The following ZNF66 variants were observed in gnomAD, a reference collection of about 807,000 sequenced individuals.
The protein encoded by ZNF66 is zinc finger protein 66, also known as putative zinc finger protein 66.
A neutral mutation model predicts 35.2 loss-of-function variants in ZNF66; 32 were observed. The observed-to-expected ratio is 0.91, with a 90% confidence interval of 0.69 to 1.22. ZNF66 has a LOEUF of 1.22. ZNF66 is among the 50% of genes most tolerant of loss of function. The pLI is 0.00. For missense variants in ZNF66, 666 were observed against 543.1 expected (o/e 1.23, Z -2.25); for synonymous variants, 231 against 181.3 (o/e 1.27, Z -2.20).
intron 1 of ZNF66, among the ~76,000 whole-genome samples, chr19:20,788,317 G>A (rs905736387): frequency 1.6e-5 from 2 of 124,964 alleles, no homozygotes; most frequent in Non-Finnish European, 3.6e-5. Flanking sequence ...CAATAAACAC[G>A]TGTCCAAAAT....
In ZNF66 at chr19:20,806,513, A is replaced by G. The variant is rs776745834; in HGVS notation, c.913A>G (p.Ile305Val). 16 of 1,526,056 alleles carry G rather than the reference A, an allele frequency of 1.0e-5. No individual in the cohort carries two copies. In the East Asian group the frequency reaches 3.6e-4, roughly 34 times the overall value. 94.5% of individuals were successfully genotyped at this position (1,526,056 alleles called of 1,614,324 possible). The change falls in exon 4 of 4, where the codon ATA becomes GTA. Residue 305 changes from isoleucine to valine, a missense_variant. Coordinates refer to ENST00000344519, the MANE Select transcript of ZNF66 (RefSeq NM_001355197.2). ...KYLSSLSTHKIIHTGEKPYKC... is the reference protein window; with the variant it reads ...KYLSSLSTHKVIHTGEKPYKC... ...CCTTTCTTCCCTTTCTACACATAAG[A>G]TAATTCATACTGGAGAGAAACCCTA...
intron 1 of ZNF66, among the ~76,000 whole-genome samples, chr19:20,788,777 G>A (rs1971310090): frequency 6.6e-6 from 1 of 152,202 alleles, no homozygotes; most frequent in East Asian, 1.9e-4. Flanking sequence ...GAAAGGCTGG[G>A]CATGGTTGTT....
intron 2 of ZNF66, among the ~76,000 whole-genome samples, chr19:20,793,031 C>T (rs544466308): frequency 6.6e-6 from 1 of 150,920 alleles, no homozygotes; most frequent in East Asian, 1.9e-4. Context: ...CATGACATTG[C>T]ACTGCAGCCT....
chr19:20,794,400 T>C, intron 3 of ZNF66: 1 of 152,260 alleles, frequency 6.6e-6, no homozygotes, highest in Non-Finnish European at 1.5e-5. Flanking sequence ...TTTTCTTCTT[T>C]TTCCTCAAGA....
At chr19:20,779,943 A>C (rs1304587704) in intron 1 of ZNF66, among the ~76,000 whole-genome samples, 1 of 151,518 alleles carries the variant, frequency 6.6e-6, no homozygotes, top group Admixed American at 6.6e-5. Context: ...AAAAAAAAAA[A>C]ACACCAAAAC....
chr19:20,805,735 A>G (rs1971496084), intron 3 of ZNF66, 92 bp from the exon 4 acceptor site: 2 of 444,754 alleles, frequency 4.5e-6, no homozygotes, highest in Middle Eastern at 6.4e-4. Context: ...CATCTTGTTT[A>G]TGTAGTTTGT....
rs183885372 is a variant in ZNF66 at position 20,808,555 on chromosome 19, C to T, written c.*1233C>T. 2.6e-5 allele frequency among the ~76,000 whole-genome samples: 4 copies of T among 152,290 alleles called. No homozygotes were observed. Among genetic ancestry groups the T allele is most frequent in the South Asian group, 2.1e-4 (1 of 4,828 alleles). On this transcript the variant is annotated 3_prime_UTR_variant, in exon 4 of 4. Transcript: ENST00000344519. Reference sequence around the variant, plus strand: ...TGGTTCATGAAAATCCGCTGTTCTACAGCCACTGATGCTGATACCCAGGCA... The same window carrying T: ...TGGTTCATGAAAATCCGCTGTTCTATAGCCACTGATGCTGATACCCAGGCA...
chr19:20,797,830 G>C (rs1322473337), intron 3 of ZNF66, among the ~76,000 whole-genome samples: 1 of 152,094 alleles, frequency 6.6e-6, no homozygotes, highest in Non-Finnish European at 1.5e-5. Flanking sequence ...CCAAAGTACT[G>C]GGATTACAGT....
At chr19:20,792,111 T>G (rs1971343461) in intron 1 of ZNF66, among the ~76,000 whole-genome samples, 2 of 151,888 alleles carry the variant, frequency 1.3e-5, no homozygotes, top group South Asian at 4.2e-4. Flanking sequence ...AATCAGACTT[T>G]ATTCCAGATC....
chr19:20,784,725 C>T (rs921617802), intron 1 of ZNF66: 41 of 152,186 alleles, frequency 2.7e-4, no homozygotes, highest in African/African-American at 8.4e-4. Flanking sequence ...AATCTGCACC[C>T]TCCTAATGCT....
chr19:20,797,009 C>G (rs1249902867), intron 3 of ZNF66, among the ~76,000 whole-genome samples: 1 of 151,888 alleles, frequency 6.6e-6, no homozygotes, highest in African/African-American at 2.4e-5. Context: ...TGTCACCACC[C>G]CTGGCAAATT....
At chr19:20,797,196 T>TATTA (rs1484180736) in intron 3 of ZNF66, among the ~76,000 whole-genome samples, 55 of 46,104 alleles carry the variant, frequency 1.2e-3, no homozygotes, top group African/African-American at 6.5e-3. Context: ...TAGATTTTTT[T>TATTA]TTTTTTTTTT....
rs149546711 is a variant in ZNF66 at position 20,776,881 on chromosome 19, G to A, written c.3+431G>A. On this transcript the variant is annotated intron_variant, in intron 1 of 3. Coordinates refer to ENST00000344519, the MANE Select transcript of ZNF66 (RefSeq NM_001355197.2). ...TGTAATCCCCGCACGTTGGGAGGCC[G>A]AGGCGGGCGGATCACTTGAGGTCAG... Among the ~76,000 whole-genome samples the A allele has an allele frequency of 6.6e-5, 10 of 152,254 alleles. No homozygotes were observed. The East Asian group carries it at 1.7e-3, about 26-fold the overall frequency.
At chr19:20,792,691 T>C in intron 2 of ZNF66, 53 bp downstream of exon 2, 2 of 1,032,222 alleles carry the variant, frequency 1.9e-6, no homozygotes, top group Non-Finnish European at 2.8e-6. Flanking sequence ...GTTTTATTTC[T>C]CTTTTTTGTA....
Position 20,807,705 on chromosome 19 carries a change from C to T in ZNF66, c.*383C>T, listed in dbSNP as rs1050431634. ...AAGCCATTTTCCTGCCTCAGCTTGT[C>T]TAGTAGATGAGATTATGGGGGGTGG... On this transcript the variant is annotated 3_prime_UTR_variant, in exon 4 of 4. Coordinates refer to ENST00000344519, the MANE Select transcript of ZNF66 (RefSeq NM_001355197.2). Among the ~76,000 whole-genome samples, 4 of 151,710 alleles carry T rather than the reference C, an allele frequency of 2.6e-5. No individual in the cohort carries two copies. The East Asian group carries it at 5.9e-4, about 22-fold the overall frequency.
At chr19:20,795,736 A>G (rs1971385971) in intron 3 of ZNF66, among the ~76,000 whole-genome samples, 1 of 152,186 alleles carries the variant, frequency 6.6e-6, no homozygotes, top group Non-Finnish European at 1.5e-5. Flanking sequence ...ACTGAGTCAT[A>G]GAACCGCTTC....
At chr19:20,800,401 T>C (rs1259210881) in intron 3 of ZNF66, among the ~76,000 whole-genome samples, 1 of 151,980 alleles carries the variant, frequency 6.6e-6, no homozygotes, top group Non-Finnish European at 1.5e-5. Flanking sequence ...GATGGGAGAG[T>C]ATTTTATGTA....
At chr19:20,802,888 A>G (rs1333092429) in intron 3 of ZNF66, among the ~76,000 whole-genome samples, 1 of 152,190 alleles carries the variant, frequency 6.6e-6, no homozygotes. Flanking sequence ...ACATACATGT[A>G]TAAACAAATT....
chr19:20,786,102 T>G (rs1363381478), intron 1 of ZNF66, among the ~76,000 whole-genome samples: 1 of 152,154 alleles, frequency 6.6e-6, no homozygotes, highest in African/African-American at 2.4e-5. Flanking sequence ...CCAAACACTG[T>G]CTAGAATTAC....
Sources: allele counts gnomAD v4.1 joint callset (sites outside exome capture counted in the v4.1 genomes callset), GRCh38; gene constraint gnomAD v4.1.1; transcripts MANE v1.5; gene names NCBI Gene and HGNC (gene_info 2026-07-23, HGNC 2026-07-21).